Variants in DOCK3 observed in about 807,000 individuals in gnomAD.
The protein encoded by DOCK3 is dedicator of cytokinesis 3.
Under a neutral mutation model 265.6 loss-of-function variants are expected in DOCK3, and 60 were observed. That is an observed-to-expected ratio of 0.23 (90% CI 0.18 to 0.28). DOCK3 has a LOEUF of 0.28. Ranked by LOEUF, DOCK3 falls within the 10% of genes least tolerant of loss-of-function variation. DOCK3 has a pLI of 1.00. For missense variants in DOCK3, 1,981 were observed against 2,594.3 expected, an observed-to-expected ratio of 0.76 and a Z score of 5.14; for synonymous variants, 881 against 938.0, an observed-to-expected ratio of 0.94 and a Z score of 1.11.
At chr3:50,928,023 A>C (rs2050856244) in intron 4 of DOCK3, among the ~76,000 whole-genome samples, 1 of 151,896 alleles carries the variant, frequency 6.6e-6, no homozygotes, top group African/African-American at 2.4e-5. Flanking sequence ...AGATTTCATC[A>C]GTACTGTCTT....
chr3:50,750,107 C>A (rs190954482), intron 1 of DOCK3, among the ~76,000 whole-genome samples: 186 of 152,196 alleles, frequency 1.2e-3, no homozygotes, highest in African/African-American at 3.5e-3. Context: ...GGAATGCAAA[C>A]CCTATTGTGA....
chr3:50,780,904 G>T (rs368632874), intron 2 of DOCK3, among the ~76,000 whole-genome samples: 28 of 151,962 alleles, frequency 1.8e-4, no homozygotes, highest in East Asian at 5.8e-4. Context: ...AGAATATGAG[G>T]TGTTTAACTT....
At chr3:51,135,841 G>A (rs896020596) in intron 9 of DOCK3, among the ~76,000 whole-genome samples, 5 of 151,996 alleles carry the variant, frequency 3.3e-5, no homozygotes, top group East Asian at 1.9e-4. Flanking sequence ...CTCCTGAGTC[G>A]CCAGGGCTGT....
intron 2 of DOCK3, among the ~76,000 whole-genome samples, chr3:50,831,150 T>C (rs561245869): frequency 2.0e-5 from 3 of 152,010 alleles, no homozygotes; most frequent in Non-Finnish European, 4.4e-5. Flanking sequence ...ATCTTGGTTT[T>C]GGTGGGTTTT....
At chr3:51,278,087 A>G in intron 26 of DOCK3, 1 of 985,310 alleles carries the variant, frequency 1.0e-6, no homozygotes, top group Non-Finnish European at 1.2e-6. Context: ...TGAAAAACAG[A>G]CTATTTCTTC....
intron 24 of DOCK3, among the ~76,000 whole-genome samples, chr3:51,272,569 G>A (rs1228799465): frequency 6.6e-6 from 1 of 151,396 alleles, no homozygotes; most frequent in Non-Finnish European, 1.5e-5. Context: ...TTACAGGTGT[G>A]AGACACCGCG....
At chr3:51,169,126 A>G (rs1421786605) in intron 12 of DOCK3, among the ~76,000 whole-genome samples, 2 of 152,254 alleles carry the variant, frequency 1.3e-5, no homozygotes, top group Non-Finnish European at 2.9e-5. Context: ...GAACACTTAT[A>G]CACTGTTGGT....
At chr3:51,058,425 G>A (rs992780323) in intron 5 of DOCK3, among the ~76,000 whole-genome samples, 1 of 152,104 alleles carries the variant, frequency 6.6e-6, no homozygotes, top group African/African-American at 2.4e-5. Context: ...AAAAAACCAT[G>A]TACAATGCCT....
intron 1 of DOCK3, among the ~76,000 whole-genome samples, chr3:50,703,194 C>T (rs2036164907): frequency 6.6e-6 from 1 of 152,074 alleles, no homozygotes; most frequent in African/African-American, 2.4e-5. Context: ...TTATAGATCC[C>T]ACTTGATCAT....
intron 5 of DOCK3, among the ~76,000 whole-genome samples, chr3:50,999,053 A>G (rs1233387559): frequency 1.3e-5 from 2 of 152,352 alleles, no homozygotes; most frequent in Non-Finnish European, 2.9e-5. Flanking sequence ...AAAAAGAGTT[A>G]AAATTATAGC....
chr3:50,744,610 T>G (rs2108261863), intron 1 of DOCK3, among the ~76,000 whole-genome samples: 1 of 152,172 alleles, frequency 6.6e-6, no homozygotes, highest in African/African-American at 2.4e-5. Context: ...ATTTTTTGTG[T>G]TTTTTGTAGA....
chr3:51,051,017 G>A (rs1278226959), intron 5 of DOCK3, among the ~76,000 whole-genome samples: 2 of 152,054 alleles, frequency 1.3e-5, no homozygotes, highest in African/African-American at 4.8e-5. Context: ...ATTGGTTTCA[G>A]GTCTAGGACT....
intron 9 of DOCK3, among the ~76,000 whole-genome samples, chr3:51,124,485 C>T (rs1451550035): frequency 6.6e-6 from 1 of 152,016 alleles, no homozygotes; most frequent in Non-Finnish European, 1.5e-5. Flanking sequence ...ACCTGGTGGG[C>T]TGAATGATCT....
At chr3:51,014,800 G>A (rs918799455) in intron 5 of DOCK3, among the ~76,000 whole-genome samples, 4 of 152,094 alleles carry the variant, frequency 2.6e-5, no homozygotes, top group Middle Eastern at 6.8e-3. Flanking sequence ...TTTCCATTTA[G>A]TGTCCTCTTC....
At chr3:51,330,439 A>G (rs905552174) in intron 33 of DOCK3, among the ~76,000 whole-genome samples, 1 of 152,186 alleles carries the variant, frequency 6.6e-6, no homozygotes, top group Non-Finnish European at 1.5e-5. Flanking sequence ...AAAACAGGTA[A>G]TCTCTGAGCT....
intron 1 of DOCK3, among the ~76,000 whole-genome samples, chr3:50,720,583 T>TA (rs1461376128): frequency 3.3e-5 from 5 of 152,232 alleles, no homozygotes; most frequent in African/African-American, 1.2e-4. Flanking sequence ...CTATTGTGAA[T>TA]AGTGCTGCGA....
At chr3:50,697,384 G>A (rs749527456) in intron 1 of DOCK3, among the ~76,000 whole-genome samples, 1 of 151,978 alleles carries the variant, frequency 6.6e-6, no homozygotes, top group Non-Finnish European at 1.5e-5. Context: ...GAAGTCAGGA[G>A]TTCGAGGCCA....
At chr3:51,009,814 T>C (rs1011336264) in intron 5 of DOCK3, among the ~76,000 whole-genome samples, 1 of 152,222 alleles carries the variant, frequency 6.6e-6, no homozygotes, top group East Asian at 1.9e-4. Context: ...TCTGGTATGT[T>C]GTGTCTTTGT....
chr3:50,868,913 T>G (rs2047280523), intron 3 of DOCK3, among the ~76,000 whole-genome samples: 1 of 148,184 alleles, frequency 6.7e-6, no homozygotes, highest in African/African-American at 2.5e-5. Context: ...TTTTTTTTTT[T>G]TTTTTTTTTT....
Sources: gnomAD v4.1 joint callset for allele counts (sites outside exome capture counted in the v4.1 genomes callset) on GRCh38, gnomAD v4.1.1 for gene constraint, MANE v1.5 for transcripts, NCBI Gene and HGNC (gene_info 2026-07-23, HGNC 2026-07-21) for gene names.